Variants in TCF4 observed in about 807,000 individuals in gnomAD.
TCF4 encodes SL3-3 enhancer factor 2.
A neutral mutation model predicts 82.1 loss-of-function variants in TCF4; 3 were observed. The ratio of observed to expected loss-of-function variants is 0.04; its 90% CI spans 0.02 to 0.09. The LOEUF is 0.09. Ranked by LOEUF, TCF4 falls within the 10% of genes least tolerant of loss-of-function variation. The probability of loss-of-function intolerance (pLI) is 1.00; values close to 1 mark genes in which losing one functional copy is unlikely to be tolerated. For missense variants in TCF4, 518 were observed against 852.7 expected (o/e 0.61, Z 4.89); for synonymous variants, 276 against 309.6 (o/e 0.89, Z 1.14).
At chr18:55,391,754 G>A (rs574259340) in intron 6 of TCF4, among the ~76,000 whole-genome samples, 3 of 151,440 alleles carry the variant, frequency 2.0e-5, no homozygotes, top group Non-Finnish European at 4.4e-5. Context: ...CCAACATGGT[G>A]AAACCCTGTC....
chr18:55,466,094 G>GACAGTTT (rs1369913863), intron 3 of TCF4, among the ~76,000 whole-genome samples: 5 of 152,204 alleles, frequency 3.3e-5, no homozygotes, highest in Non-Finnish European at 2.9e-5. Flanking sequence ...CCACCCAGGA[G>GACAGTTT]ACAGTTTTGG....
At chr18:55,422,528 A>C (rs2094811037) in intron 5 of TCF4, 1 of 899,282 alleles carries the variant, frequency 1.1e-6, no homozygotes, top group Non-Finnish European at 1.3e-6. Context: ...TTAGGCTAAC[A>C]CTCATCACAT....
intron 3 of TCF4, among the ~76,000 whole-genome samples, chr18:55,534,866 A>T (rs926316896): frequency 6.6e-6 from 1 of 152,246 alleles, no homozygotes; most frequent in African/African-American, 2.4e-5. Context: ...CCACTACATG[A>T]CTGTGAGCAT....
rs1458107119 is a variant in TCF4, at chr18:55,455,871, A to G, written c.304+5148T>C. On this transcript the variant is annotated intron_variant, in intron 5 of 19. Transcript: ENST00000354452. The stretch of plus-strand genomic sequence containing the variant: ...TTGTAGTCATGCTTTTCCTTTGTAC[A>G]TTAAGGCTTCCAAAAACACTTTTCC... 2.0e-5 allele frequency among the ~76,000 whole-genome samples: 3 copies of G among 152,314 alleles called. No individual in the cohort carries two copies. In the East Asian group the frequency reaches 5.8e-4, roughly 29 times the overall value.
At chr18:55,612,431 C>A (rs1454386339) in intron 2 of TCF4, among the ~76,000 whole-genome samples, 1 of 151,686 alleles carries the variant, frequency 6.6e-6, no homozygotes, top group Non-Finnish European at 1.5e-5. Flanking sequence ...TGACATTGAG[C>A]AAAGTAATAT....
Position 55,392,753 on chromosome 18 carries a change from AGT to A in TCF4, c.369+10699_369+10700del, listed in dbSNP as rs141446183. On this transcript the variant is annotated intron_variant, in intron 6 of 19. Transcript: ENST00000354452. ...AGGAACCTGCTTACTGTCTTATAAC[AGT>A]GTGTGTGTGTGTTTCATATATATAG... Among the ~76,000 whole-genome samples the A allele has an allele frequency of 8.6e-5, 13 of 151,960 alleles. No homozygotes were observed. In the East Asian group the frequency reaches 9.7e-4, roughly 11 times the overall value.
rs1445788045 is a variant in TCF4, at chr18:55,223,171, C to A, written c.*4864G>T. 1 of 152,214 alleles carries A rather than the reference C, an allele frequency of 6.6e-6. No homozygotes were observed. Among genetic ancestry groups the A allele is most frequent in the Non-Finnish European group, 1.5e-5 (1 of 68,036 alleles). 9.4% of individuals were successfully genotyped at this position (152,214 alleles called of 1,614,324 possible). ...CTTCAAATGCATAGCTTCAGTGTTA[C>A]ACACACATTAATTATATTCCTTCAA... On this transcript the variant is annotated 3_prime_UTR_variant, in exon 20 of 20. Transcript: ENST00000354452.
chr18:55,456,464 A>G (rs1188159525), intron 5 of TCF4, among the ~76,000 whole-genome samples: 1 of 152,214 alleles, frequency 6.6e-6, no homozygotes, highest in Non-Finnish European at 1.5e-5. Context: ...CCAAATGTAC[A>G]AAAGTATCGC....
At chr18:55,635,838 G>T (rs770084102) in exon 1 of TCF4, 6 of 1,563,046 alleles carry the variant, frequency 3.8e-6, no homozygotes, top group Middle Eastern at 1.7e-4. Context: ...TCAAAATGAT[G>T]AAGATGAAGG....
intron 5 of TCF4, among the ~76,000 whole-genome samples, chr18:55,453,463 T>A (rs2095666590): frequency 6.6e-6 from 1 of 152,240 alleles, no homozygotes; most frequent in Admixed American, 6.5e-5. Context: ...GCTTAAATGA[T>A]TTATCTTCTC....
At chr18:55,300,119 C>A (rs979302176) in intron 8 of TCF4, among the ~76,000 whole-genome samples, 7 of 152,112 alleles carry the variant, frequency 4.6e-5, no homozygotes, top group African/African-American at 1.7e-4. Context: ...CACACACACA[C>A]ACACACCCCA....
chr18:55,598,554 G>T (rs1603625174), intron 2 of TCF4, among the ~76,000 whole-genome samples: 1 of 152,166 alleles, frequency 6.6e-6, no homozygotes, highest in East Asian at 1.9e-4. Flanking sequence ...CATTCTGGAG[G>T]CAACATGGAG....
intron 8 of TCF4, 77 bp downstream of exon 8, chr18:55,350,282 T>C: frequency 6.7e-7 from 1 of 1,493,396 alleles, no homozygotes; most frequent in Non-Finnish European, 9.3e-7. Context: ...GGAAACTCAT[T>C]TACTTCTATC....
chr18:55,418,358 C>G (rs779989347), intron 5 of TCF4, among the ~76,000 whole-genome samples: 6 of 151,906 alleles, frequency 3.9e-5, no homozygotes, highest in African/African-American at 7.3e-5. Context: ...TTCTGGTGGT[C>G]TTAAACTTAT....
chr18:55,509,990 A>C (rs2096807572), intron 3 of TCF4, among the ~76,000 whole-genome samples: 1 of 152,176 alleles, frequency 6.6e-6, no homozygotes, highest in South Asian at 2.1e-4. Flanking sequence ...AATCCTAAGA[A>C]ATAACCAAGA....
rs2097647518 is a variant in TCF4 at position 55,586,167 on chromosome 18, GCAGCAGCAGCAGCAGC to G, written c.73-831_73-816del. The stretch of plus-strand genomic sequence containing the variant: ...AGGAGGAGGAGGAGCAGCAGCAGCA[GCAGCAGCAGCAGCAGC>G]AGCAGCAGCAGCAGCAGCAGCAGCA... On this transcript the variant is annotated intron_variant, in intron 2 of 19. Transcript: ENST00000354452. 967 of 381,914 alleles carry G rather than the reference GCAGCAGCAGCAGCAGC, an allele frequency of 2.5e-3. 76 individuals carry two copies. Among genetic ancestry groups the G allele is most frequent in the Admixed American group, 0.011 (87 of 7,794 alleles). The allele number at this position is 381,914 out of a possible 1,614,324, so 23.7% of individuals were successfully genotyped here.
At chr18:55,621,721 ATATTTATAATTATACAATTG>A (rs1362545445) in intron 2 of TCF4, among the ~76,000 whole-genome samples, 1,930 of 89,106 alleles carry the variant, frequency 0.022, 36 homozygotes, top group Non-Finnish European at 0.03. Flanking sequence ...ATATATAATT[ATATTTATAATTATACAATTG>A]TATTTATAAT....
In TCF4 at chr18:55,350,421, G is replaced by A. The variant is rs939610078; in HGVS notation, c.500-13C>T. On this transcript the variant is annotated splice_polypyrimidine_tract_variant and intron_variant, in intron 7 of 19. Coordinates refer to ENST00000354452, the MANE Select transcript of TCF4 (RefSeq NM_001083962.2). ...TTTGTCTGTACCTCTGAAAGAAAAT[G>A]AAGATGCTTTCAGCTCCCAAATGCC... 2.5e-6 allele frequency: 4 copies of A among 1,613,288 alleles called. No homozygotes were observed. Among genetic ancestry groups the A allele is most frequent in the Non-Finnish European group, 3.4e-6 (4 of 1,179,606 alleles).
At chr18:55,513,159 C>T (rs1479037975) in intron 3 of TCF4, among the ~76,000 whole-genome samples, 1 of 152,128 alleles carries the variant, frequency 6.6e-6, no homozygotes, top group Admixed American at 6.5e-5. Flanking sequence ...GATAAAACAG[C>T]GTCACTGACT....
Sources: gnomAD v4.1 joint callset for allele counts (sites outside exome capture counted in the v4.1 genomes callset) on GRCh38, gnomAD v4.1.1 for gene constraint, MANE v1.5 for transcripts, NCBI Gene and HGNC (gene_info 2026-07-23, HGNC 2026-07-21) for gene names.